Variants in ASAP1 observed in about 807,000 individuals in gnomAD.
ASAP1 encodes arf-GAP with SH3 domain, ANK repeat and PH domain-containing protein 1.
ASAP1 carries 43 observed loss-of-function variants against 145.2 expected under a neutral mutation model. That is an observed-to-expected ratio of 0.30 (90% CI 0.23 to 0.38). The LOEUF is 0.38. Ranked by LOEUF, ASAP1 falls within the 10% of genes least tolerant of loss-of-function variation. The pLI, the probability that ASAP1 is intolerant of heterozygous loss-of-function variation, is 1.00. For missense variants in ASAP1, 1,018 were observed against 1,355.3 expected (o/e 0.75, Z 3.91); for synonymous variants, 546 against 515.5 (o/e 1.06, Z -0.80).
intron 3 of ASAP1, among the ~76,000 whole-genome samples, chr8:130,298,446 G>A (rs1822420798): frequency 6.6e-6 from 1 of 152,098 alleles, no homozygotes; most frequent in South Asian, 2.1e-4. Flanking sequence ...TCCTCTTCGA[G>A]GCCAGGCCAC....
chr8:130,052,629 A>G lies in ASAP1; in HGVS notation c.*2102T>C, dbSNP rs1212477096. On this transcript the variant is annotated 3_prime_UTR_variant, in exon 30 of 30. Transcript: ENST00000518721. Reference sequence around the variant, plus strand: ...AAACCGAACAAAAAAACTAGAAAAAAAAGGTGTTAAAAATGCTGTGTAAGT... The same window carrying G: ...AAACCGAACAAAAAAACTAGAAAAAGAAGGTGTTAAAAATGCTGTGTAAGT... The G allele has an allele frequency of 6.6e-6, 1 of 152,572 alleles. No homozygotes were observed. The highest frequency in any genetic ancestry group is 2.4e-5 in the African/African-American group (1 of 41,468). 9.5% of individuals were successfully genotyped at this position (152,572 alleles called of 1,614,324 possible). A position where few individuals can be genotyped will look rare whatever the true frequency, so the allele number is the denominator to read the frequency against.
intron 4 of ASAP1, among the ~76,000 whole-genome samples, chr8:130,234,096 C>G (rs1412988979): frequency 6.6e-6 from 1 of 152,114 alleles, no homozygotes; most frequent in Non-Finnish European, 1.5e-5. Context: ...AGGTAAGAAT[C>G]ATTATCTACT....
intron 27 of ASAP1, among the ~76,000 whole-genome samples, chr8:130,064,447 G>A (rs924084007): frequency 6.6e-6 from 1 of 152,148 alleles, no homozygotes; most frequent in Admixed American, 6.5e-5. Context: ...GGGACACTGA[G>A]GAAGGAACAG....
chr8:130,436,139 C>G (rs987306266), intron 1 of ASAP1, among the ~76,000 whole-genome samples: 3 of 152,094 alleles, frequency 2.0e-5, no homozygotes, highest in African/African-American at 4.8e-5. Context: ...AAACAGAAAC[C>G]CTAAGGAAAG....
At chr8:130,313,333 C>T (rs1338251290) in intron 3 of ASAP1, among the ~76,000 whole-genome samples, 1 of 151,984 alleles carries the variant, frequency 6.6e-6, no homozygotes, top group Non-Finnish European at 1.5e-5. Context: ...TTTAAAAGGT[C>T]CACTTCTTTT....
At position 130,300,153 on chromosome 8, in the gene ASAP1, C is replaced by CACACAGAGAGAGAGAG. The variant is rs1196584279; in HGVS notation, c.186+57863_186+57864insCTCTCTCTCTCTGTGT. 1.2e-3 allele frequency among the ~76,000 whole-genome samples: 89 copies of CACACAGAGAGAGAGAG among 76,898 alleles called. 1 individual carries two copies. The highest frequency in any genetic ancestry group is 5.9e-3 in the East Asian group (12 of 2,044). 50.4% of individuals were successfully genotyped at this position (76,898 alleles called of 152,430 possible). On this transcript the variant is annotated intron_variant, in intron 3 of 29. Coordinates refer to ENST00000518721, the MANE Select transcript of ASAP1 (RefSeq NM_018482.4). ...ACACACACACACACACACACACACA[C>CACACAGAGAGAGAGAG]AGAGAGAGAGAGAGAGAGAGAGAGA...
intron 3 of ASAP1, among the ~76,000 whole-genome samples, chr8:130,239,156 CCT>C (rs761698249): frequency 3.3e-5 from 5 of 152,050 alleles, no homozygotes; most frequent in Non-Finnish European, 7.4e-5. Flanking sequence ...ATCTCACATA[CCT>C]GTCATGCTGC....
chr8:130,260,957 CAA>C (rs1490020609), intron 3 of ASAP1, among the ~76,000 whole-genome samples: 2 of 152,150 alleles, frequency 1.3e-5, no homozygotes, highest in Non-Finnish European at 2.9e-5. Flanking sequence ...CAGGAAATTT[CAA>C]AGTCTCCCAG....
intron 24 of ASAP1, among the ~76,000 whole-genome samples, chr8:130,107,573 A>T (rs2097539608): frequency 1.4e-5 from 2 of 145,682 alleles, no homozygotes; most frequent in Non-Finnish European, 1.5e-5. Flanking sequence ...TTTGAGATAG[A>T]GTCTCATTCT....
chr8:130,274,012 C>G (rs1478893137), intron 3 of ASAP1, among the ~76,000 whole-genome samples: 2 of 152,188 alleles, frequency 1.3e-5, no homozygotes, highest in Non-Finnish European at 2.9e-5. Flanking sequence ...CTTGGCTCAG[C>G]TACTAACTGG....
At chr8:130,178,156 T>C (rs555857509) in intron 9 of ASAP1, among the ~76,000 whole-genome samples, 372 of 152,384 alleles carry the variant, frequency 2.4e-3, no homozygotes, top group Non-Finnish European at 3.9e-3. Context: ...AAGGAAATTA[T>C]GAATTTAACT....
intron 13 of ASAP1, among the ~76,000 whole-genome samples, chr8:130,150,601 A>C (rs2135941134): frequency 6.6e-6 from 1 of 152,346 alleles, no homozygotes; most frequent in South Asian, 2.1e-4. Flanking sequence ...AACGCTGGCC[A>C]GGTGCGGTGG....
At chr8:130,296,320 G>C (rs970059720) in intron 3 of ASAP1, among the ~76,000 whole-genome samples, 1 of 152,148 alleles carries the variant, frequency 6.6e-6, no homozygotes, top group Non-Finnish European at 1.5e-5. Context: ...TGAAGGACAG[G>C]TATTCTCTGT....
chr8:130,173,303 T>C (rs1813709846), intron 9 of ASAP1, among the ~76,000 whole-genome samples: 3 of 152,222 alleles, frequency 2.0e-5, no homozygotes, highest in African/African-American at 7.2e-5. Flanking sequence ...TGCTGTCATC[T>C]GCACTGTCCC....
At chr8:130,214,969 C>T (rs1396884571) in intron 4 of ASAP1, among the ~76,000 whole-genome samples, 4 of 152,026 alleles carry the variant, frequency 2.6e-5, no homozygotes, top group Non-Finnish European at 5.9e-5. Flanking sequence ...GGCACAATCT[C>T]GGCTCACTGC....
At chr8:130,150,789 A>C (rs763864506) in intron 13 of ASAP1, among the ~76,000 whole-genome samples, 4 of 152,184 alleles carry the variant, frequency 2.6e-5, no homozygotes, top group Non-Finnish European at 4.4e-5. Context: ...CTGAGATGGG[A>C]GGATGGCTTG....
At chr8:130,098,225 A>G (rs1564955674) in intron 24 of ASAP1, among the ~76,000 whole-genome samples, 2 of 152,222 alleles carry the variant, frequency 1.3e-5, no homozygotes, top group African/African-American at 4.8e-5. Flanking sequence ...GTCTGACTCA[A>G]GGCCAGACTC....
chr8:130,192,657 T>C (rs1209700512), intron 5 of ASAP1, among the ~76,000 whole-genome samples: 10 of 152,186 alleles, frequency 6.6e-5, no homozygotes, highest in Non-Finnish European at 2.9e-5. Context: ...TTCACGGAGA[T>C]CCTTGCCTTA....
In ASAP1 at chr8:130,155,205, G is replaced by A. The variant is rs139485506; in HGVS notation, c.1011-2400C>T. Among the ~76,000 whole-genome samples the A allele has an allele frequency of 7.0e-3, 1,072 of 152,098 alleles. 8 individuals are homozygous for A. Among genetic ancestry groups the A allele is most frequent in the Non-Finnish European group, 0.011 (742 of 67,996 alleles). On this transcript the variant is annotated intron_variant, in intron 12 of 29. Coordinates refer to ENST00000518721, the MANE Select transcript of ASAP1 (RefSeq NM_018482.4). Reference sequence around the variant, plus strand: ...TTATGGAAACAATACACACACACGCGCGCACACACCCCTTCTCTTCTGCTG... The same window carrying A: ...TTATGGAAACAATACACACACACGCACGCACACACCCCTTCTCTTCTGCTG...
Sources: allele counts gnomAD v4.1 joint callset (sites outside exome capture counted in the v4.1 genomes callset), GRCh38; gene constraint gnomAD v4.1.1; transcripts MANE v1.5; gene names NCBI Gene and HGNC (gene_info 2026-07-23, HGNC 2026-07-21).